Variants in ITGA9 observed in about 807,000 individuals in gnomAD.
The protein encoded by ITGA9 is integrin subunit alpha 9.
Under a neutral mutation model 127.8 loss-of-function variants are expected in ITGA9, and 56 were observed. That is an observed-to-expected ratio of 0.44 (90% CI 0.35 to 0.55). The LOEUF (loss-of-function observed/expected upper bound fraction) is 0.55. ITGA9 is among the 20% of genes least tolerant of loss of function. The pLI is 0.00. For missense variants in ITGA9, 1,196 were observed against 1,347.1 expected (o/e 0.89, Z 1.76); for synonymous variants, 508 against 514.5 (o/e 0.99, Z 0.17).
In ITGA9 at chr3:37,803,671, G is replaced by A. The variant is rs1328872975; in HGVS notation, c.2890-152G>A. ...CACCTGTAATCCCAGCTACTTGGGA[G>A]GCTAAGGCAGGAGAATCGCTTGAAC... On this transcript the variant is annotated intron_variant, in intron 26 of 27. Transcript: ENST00000264741. 7.3e-6 allele frequency: 6 copies of A among 817,460 alleles called. No homozygotes were observed. In the Admixed American group the frequency reaches 1.3e-4, roughly 17 times the overall value. The allele number at this position is 817,460 out of a possible 1,614,324, so 50.6% of individuals were successfully genotyped here. A position where few individuals can be genotyped will look rare whatever the true frequency, so the allele number is the denominator to read the frequency against.
At chr3:37,663,935 A>G (rs970183048) in intron 17 of ITGA9, among the ~76,000 whole-genome samples, 25 of 152,234 alleles carry the variant, frequency 1.6e-4, no homozygotes, top group African/African-American at 5.8e-4. Context: ...AGTGCTTAGC[A>G]TATAAGGAAA....
At chr3:37,701,784 AG>A (rs1700949129) in intron 18 of ITGA9, among the ~76,000 whole-genome samples, 1 of 152,202 alleles carries the variant, frequency 6.6e-6, no homozygotes, top group South Asian at 2.1e-4. Flanking sequence ...TCAGTGACTC[AG>A]CCACACTTCT....
At chr3:37,457,454 C>T (rs1355156053) in intron 1 of ITGA9, among the ~76,000 whole-genome samples, 1 of 152,204 alleles carries the variant, frequency 6.6e-6, no homozygotes, top group African/African-American at 2.4e-5. Context: ...GCCCCTGGCC[C>T]TGCCCGTCTT....
intron 18 of ITGA9, among the ~76,000 whole-genome samples, chr3:37,701,917 G>A (rs544095787): frequency 6.6e-6 from 1 of 152,294 alleles, no homozygotes; most frequent in South Asian, 2.1e-4. Flanking sequence ...CAGGCCATCT[G>A]GAAGCTTTGG....
chr3:37,570,707 T>G (rs1166658331), intron 15 of ITGA9, among the ~76,000 whole-genome samples: 1 of 152,348 alleles, frequency 6.6e-6, no homozygotes, highest in East Asian at 1.9e-4. Context: ...ATCCTTTTTC[T>G]TTTTAACTGC....
Position 37,750,447 on chromosome 3 carries a change from G to T in ITGA9, c.2434-15G>T. 2.0e-6 allele frequency: 3 copies of T among 1,504,212 alleles called. No individual in the cohort carries two copies. Among genetic ancestry groups the T allele is most frequent in the African/African-American group, 1.4e-5 (1 of 72,682 alleles). 93.2% of individuals were successfully genotyped at this position (1,504,212 alleles called of 1,614,324 possible). A position where few individuals can be genotyped will look rare whatever the true frequency, so the allele number is the denominator to read the frequency against. ...TTTTCCACTGAGACTTGCTGTGTGTGTTCCACACCCACAGGTCTACAACAC... is the reference window on the plus strand; with the variant it reads ...TTTTCCACTGAGACTTGCTGTGTGTTTTCCACACCCACAGGTCTACAACAC... On this transcript the variant is annotated splice_polypyrimidine_tract_variant and intron_variant, in intron 22 of 27. Coordinates refer to ENST00000264741, the MANE Select transcript of ITGA9 (RefSeq NM_002207.3).
At chr3:37,748,385 G>A (rs1015406607) in intron 22 of ITGA9, 5 of 602,156 alleles carry the variant, frequency 8.3e-6, no homozygotes, top group South Asian at 1.5e-5. Flanking sequence ...ATTAATGTAC[G>A]TATTGAGCAC....
At chr3:37,520,601 A>G (rs969451105) in intron 11 of ITGA9, among the ~76,000 whole-genome samples, 7 of 152,236 alleles carry the variant, frequency 4.6e-5, no homozygotes, top group African/African-American at 1.2e-4. Flanking sequence ...TGAGGCATAC[A>G]TAGTCTGAGG....
intron 15 of ITGA9, among the ~76,000 whole-genome samples, chr3:37,559,828 G>A (rs775774097): frequency 1.9e-4 from 29 of 152,306 alleles, no homozygotes; most frequent in Middle Eastern, 3.4e-3. Context: ...GTGAAGGGGG[G>A]CCCCAAGGCA....
rs1182165974 is a variant in ITGA9 at position 37,629,058 on chromosome 3, C to T, written c.1690-129C>T. 1.9e-6 allele frequency: 2 copies of T among 1,079,550 alleles called. No homozygotes were observed. The highest frequency in any genetic ancestry group is 1.6e-5 in the African/African-American group (1 of 64,290). The allele number at this position is 1,079,550 out of a possible 1,614,324, so 66.9% of individuals were successfully genotyped here. Reference sequence around the variant, plus strand: ...TTTAAAATATGAAAGTCATAAAACCCTACCTCACGAGGGTGATTGTGAGGA... The same window carrying T: ...TTTAAAATATGAAAGTCATAAAACCTTACCTCACGAGGGTGATTGTGAGGA... On this transcript the variant is annotated intron_variant, in intron 15 of 27. Coordinates refer to ENST00000264741, the MANE Select transcript of ITGA9 (RefSeq NM_002207.3). The surrounding 1 kb of genome is among the most constrained non-coding windows in gnomAD (Gnocchi z 4.5).
At chr3:37,640,912 G>A (rs1169685468) in intron 16 of ITGA9, among the ~76,000 whole-genome samples, 2 of 152,332 alleles carry the variant, frequency 1.3e-5, no homozygotes, top group East Asian at 3.9e-4. Flanking sequence ...TGATGAGGCA[G>A]CACTGGATCC....
intron 15 of ITGA9, among the ~76,000 whole-genome samples, chr3:37,558,553 T>C: frequency 6.6e-6 from 1 of 152,224 alleles, no homozygotes; most frequent in East Asian, 1.9e-4. Context: ...TCCTGGTTTA[T>C]GCCTGTTGTC....
chr3:37,552,930 G>A (rs1189746491), intron 15 of ITGA9, among the ~76,000 whole-genome samples: 1 of 150,362 alleles, frequency 6.7e-6, no homozygotes, highest in Non-Finnish European at 1.5e-5. Flanking sequence ...CAGGAGAATT[G>A]TTTGAATCTG....
At chr3:37,520,676 C>T (rs913086848) in intron 11 of ITGA9, among the ~76,000 whole-genome samples, 12 of 152,206 alleles carry the variant, frequency 7.9e-5, no homozygotes, top group Admixed American at 5.9e-4. Flanking sequence ...TAATAAACTT[C>T]GGTGATTCAG....
At chr3:37,505,489 G>C (rs763660198) in intron 6 of ITGA9, among the ~76,000 whole-genome samples, 1 of 152,210 alleles carries the variant, frequency 6.6e-6, no homozygotes, top group Non-Finnish European at 1.5e-5. Flanking sequence ...GTTATGTTGA[G>C]TGAAGTTCAA....
chr3:37,728,490 C>T (rs1696244846), intron 18 of ITGA9, among the ~76,000 whole-genome samples: 1 of 152,192 alleles, frequency 6.6e-6, no homozygotes, highest in Admixed American at 6.5e-5. Flanking sequence ...CATGTGGCTC[C>T]ATGATGACTC....
intron 15 of ITGA9, among the ~76,000 whole-genome samples, chr3:37,608,306 A>G (rs536901241): frequency 6.6e-6 from 1 of 152,364 alleles, no homozygotes; most frequent in Non-Finnish European, 1.5e-5. Context: ...GATCAAAGAG[A>G]TCATAAACAC....
At chr3:37,500,363 T>C (rs1313637551) in intron 5 of ITGA9, among the ~76,000 whole-genome samples, 6 of 152,076 alleles carry the variant, frequency 3.9e-5, no homozygotes, top group African/African-American at 1.4e-4. Flanking sequence ...TCAAGGGGGG[T>C]AGGATCTCAA....
chr3:37,768,893 T>C (rs1201021412), intron 23 of ITGA9, among the ~76,000 whole-genome samples: 2 of 152,046 alleles, frequency 1.3e-5, no homozygotes, highest in Non-Finnish European at 2.9e-5. Context: ...TAATCTTCCA[T>C]TTTCCTTTGA....
Sources: allele counts gnomAD v4.1 joint callset (sites outside exome capture counted in the v4.1 genomes callset), GRCh38; gene constraint gnomAD v4.1.1; non-coding constraint Gnocchi (gnomAD v3.1); transcripts MANE v1.5; gene names NCBI Gene and HGNC (gene_info 2026-07-23, HGNC 2026-07-21).